ZCCHC7: variants seen among roughly 807,000 people sequenced by gnomAD.
ZCCHC7 encodes zinc finger CCHC domain-containing protein 7.
In ZCCHC7, 35 loss-of-function variants were observed where a neutral mutation model predicts 52.0. That is an observed-to-expected ratio of 0.67 (90% CI 0.51 to 0.89). ZCCHC7 has a LOEUF of 0.89. Ranked by LOEUF, ZCCHC7 falls within the 40% of genes least tolerant of loss-of-function variation. The pLI is 0.00. For synonymous variants in ZCCHC7, 217 were observed against 221.5 expected (o/e 0.98, Z 0.18); for missense variants, 574 against 649.1 (o/e 0.88, Z 1.26).
At chr9:37,240,849 CG>C (rs1825844604) in intron 2 of ZCCHC7, among the ~76,000 whole-genome samples, 1 of 151,406 alleles carries the variant, frequency 6.6e-6, no homozygotes, top group Non-Finnish European at 1.5e-5. Context: ...CACCCAACTA[CG>C]ATTAAAAACA....
chr9:37,311,172 T>G (rs1018097243), intron 5 of ZCCHC7, among the ~76,000 whole-genome samples: 2 of 152,112 alleles, frequency 1.3e-5, no homozygotes, highest in Non-Finnish European at 2.9e-5. Flanking sequence ...GCTTCAGCAA[T>G]CTTTATTAAT....
intron 2 of ZCCHC7, among the ~76,000 whole-genome samples, chr9:37,271,433 T>G (rs1221669048): frequency 6.6e-6 from 1 of 152,238 alleles, no homozygotes; most frequent in Non-Finnish European, 1.5e-5. Flanking sequence ...TGGACCTTTT[T>G]GGGATCTTAT....
intron 2 of ZCCHC7, chr9:37,186,668 C>T: frequency 1.8e-6 from 1 of 571,010 alleles, no homozygotes; most frequent in Non-Finnish European, 3.3e-6. Context: ...GAAAATTATA[C>T]TCTTAGAATA....
chr9:37,127,396 A>G (rs1160028191), intron 2 of ZCCHC7, among the ~76,000 whole-genome samples: 1 of 152,184 alleles, frequency 6.6e-6, no homozygotes, highest in African/African-American at 2.4e-5. Context: ...GGCACACAGA[A>G]TATATGGAAT....
intron 6 of ZCCHC7, among the ~76,000 whole-genome samples, chr9:37,337,248 A>C (rs549314660): frequency 6.6e-6 from 1 of 152,308 alleles, no homozygotes; most frequent in African/African-American, 2.4e-5. Context: ...CTAAATTAAA[A>C]TTGGTAATGA....
At chr9:37,328,967 A>G (rs1214275132) in intron 6 of ZCCHC7, among the ~76,000 whole-genome samples, 1 of 151,952 alleles carries the variant, frequency 6.6e-6, no homozygotes, top group Admixed American at 6.6e-5. Context: ...ATACATACCC[A>G]TGTATGTTAC....
intron 2 of ZCCHC7, among the ~76,000 whole-genome samples, chr9:37,144,351 A>G (rs1231185056): frequency 6.6e-6 from 1 of 151,904 alleles, no homozygotes; most frequent in Non-Finnish European, 1.5e-5. Flanking sequence ...TATTTTGAAA[A>G]GGGATGAAAG....
intron 2 of ZCCHC7, among the ~76,000 whole-genome samples, chr9:37,129,542 G>T (rs1265355710): frequency 6.6e-6 from 1 of 152,134 alleles, no homozygotes; most frequent in Non-Finnish European, 1.5e-5. Flanking sequence ...ACTATCTGGG[G>T]ATAGATTGGT....
At chr9:37,260,799 C>CCT (rs1826828546) in intron 2 of ZCCHC7, among the ~76,000 whole-genome samples, 1 of 152,154 alleles carries the variant, frequency 6.6e-6, no homozygotes, top group Admixed American at 6.5e-5. Context: ...GGAAGCTGAA[C>CCT]TCCCTGGCAG....
intron 2 of ZCCHC7, among the ~76,000 whole-genome samples, chr9:37,224,319 G>A (rs1824983223): frequency 2.0e-5 from 3 of 152,008 alleles, no homozygotes; most frequent in South Asian, 2.1e-4. Context: ...AAATCAGTGT[G>A]GCAACTATCC....
intron 5 of ZCCHC7, among the ~76,000 whole-genome samples, chr9:37,325,750 G>T (rs1287070790): frequency 1.3e-5 from 2 of 152,096 alleles, no homozygotes; most frequent in Admixed American, 1.3e-4. Context: ...ATAGCAAAAT[G>T]AAACTATGCA....
At chr9:37,277,308 A>G (rs773081874) in intron 2 of ZCCHC7, among the ~76,000 whole-genome samples, 2 of 152,212 alleles carry the variant, frequency 1.3e-5, no homozygotes, top group Non-Finnish European at 2.9e-5. Context: ...CTAAATGTTT[A>G]TATACACACA....
intron 1 of ZCCHC7, among the ~76,000 whole-genome samples, chr9:37,123,447 G>T (rs1025978136): frequency 2.0e-5 from 3 of 152,104 alleles, no homozygotes; most frequent in Admixed American, 2.0e-4. Flanking sequence ...GGCCATAGGG[G>T]CTAAATTGTT....
At chr9:37,203,405 A>G (rs1245972576) in intron 2 of ZCCHC7, among the ~76,000 whole-genome samples, 5 of 152,108 alleles carry the variant, frequency 3.3e-5, no homozygotes, top group Admixed American at 6.5e-5. Flanking sequence ...GCACCTATCA[A>G]CCTGTCATCT....
At chr9:37,169,759 T>G (rs919903345) in intron 2 of ZCCHC7, among the ~76,000 whole-genome samples, 3 of 152,198 alleles carry the variant, frequency 2.0e-5, no homozygotes, top group Non-Finnish European at 4.4e-5. Flanking sequence ...ATTATTGCTA[T>G]GTTCCTTTTG....
At chr9:37,150,460 A>G (rs953763168) in intron 2 of ZCCHC7, among the ~76,000 whole-genome samples, 11 of 152,196 alleles carry the variant, frequency 7.2e-5, no homozygotes, top group Non-Finnish European at 1.5e-5. Context: ...GTTTTAACCC[A>G]TTGTTCTTTT....
At chr9:37,172,555 T>C (rs532386152) in intron 2 of ZCCHC7, among the ~76,000 whole-genome samples, 1 of 152,386 alleles carries the variant, frequency 6.6e-6, no homozygotes, top group South Asian at 2.1e-4. Flanking sequence ...TTGCAGTGGT[T>C]CATAAAGTAC....
chr9:37,279,055 G>C (rs1459240162), intron 2 of ZCCHC7, among the ~76,000 whole-genome samples: 2 of 152,140 alleles, frequency 1.3e-5, no homozygotes, highest in Admixed American at 6.6e-5. Context: ...TTTGTTGCCA[G>C]CTACCCTCCA....
At chr9:37,172,414 A>G (rs1311614178) in intron 2 of ZCCHC7, among the ~76,000 whole-genome samples, 1 of 152,052 alleles carries the variant, frequency 6.6e-6, no homozygotes, top group South Asian at 2.1e-4. Context: ...CTTTCCCCCC[A>G]TTGTCTTACG....
Sources: allele counts gnomAD v4.1 joint callset (sites outside exome capture counted in the v4.1 genomes callset), GRCh38; gene constraint gnomAD v4.1.1; transcripts MANE v1.5; gene names NCBI Gene and HGNC (gene_info 2026-07-23, HGNC 2026-07-21).